Variants in RBFOX1 observed in about 807,000 individuals in gnomAD.
RBFOX1 encodes RNA binding fox-1 homolog 1, also known as RNA binding protein fox-1 homolog 1.
Under a neutral mutation model 57.7 loss-of-function variants are expected in RBFOX1, and 8 were observed. The observed-to-expected ratio is 0.14, with a 90% confidence interval of 0.08 to 0.25. RBFOX1 has a LOEUF of 0.25. RBFOX1 is among the 10% of genes least tolerant of loss of function. RBFOX1 has a pLI of 1.00. For missense variants in RBFOX1, 611 were observed against 548.5 expected (o/e 1.11, Z -1.14); for synonymous variants, 326 against 222.4 (o/e 1.47, Z -4.15).
At chr16:5,876,315 G>A (rs2057609716) in intron 4 of RBFOX1, among the ~76,000 whole-genome samples, 2 of 152,004 alleles carry the variant, frequency 1.3e-5, no homozygotes, top group African/African-American at 4.8e-5. Flanking sequence ...ACCCTATGAA[G>A]TACATCCTAT....
At chr16:6,718,784 T>C (rs2065342834) in intron 3 of RBFOX1, among the ~76,000 whole-genome samples, 1 of 152,172 alleles carries the variant, frequency 6.6e-6, no homozygotes, top group Non-Finnish European at 1.5e-5. Context: ...CACAACTAGG[T>C]TGACTCCAGT....
intron 4 of RBFOX1, among the ~76,000 whole-genome samples, chr16:5,992,943 A>G (rs979278815): frequency 7.9e-5 from 12 of 152,152 alleles, no homozygotes; most frequent in Non-Finnish European, 1.2e-4. Context: ...TCTCAAAAGA[A>G]AGAAAAAAAA....
intron 4 of RBFOX1, among the ~76,000 whole-genome samples, chr16:7,082,096 G>C (rs2153798804): frequency 6.6e-6 from 1 of 152,252 alleles, no homozygotes; most frequent in Admixed American, 6.5e-5. Context: ...CAGGATCTGG[G>C]AGAACCACTC....
At chr16:7,359,920 C>G (rs1198932824) in intron 4 of RBFOX1, among the ~76,000 whole-genome samples, 1 of 149,920 alleles carries the variant, frequency 6.7e-6, no homozygotes, top group African/African-American at 2.4e-5. Context: ...GGAGGCGGAG[C>G]TTGCAGTGAG....
intron 4 of RBFOX1, among the ~76,000 whole-genome samples, chr16:7,209,869 C>G (rs146705956): frequency 1.3e-5 from 2 of 152,280 alleles, no homozygotes; most frequent in Admixed American, 6.5e-5. Context: ...CACACACACT[C>G]TCAAGGTCTT....
chr16:6,558,311 A>C (rs766268913), intron 2 of RBFOX1, among the ~76,000 whole-genome samples: 3 of 152,192 alleles, frequency 2.0e-5, no homozygotes, highest in Non-Finnish European at 4.4e-5. Context: ...GAGGCCTTAC[A>C]GAGCATGTTG....
intron 4 of RBFOX1, among the ~76,000 whole-genome samples, chr16:7,259,867 A>T (rs151073500): frequency 6.6e-6 from 1 of 152,172 alleles, no homozygotes; most frequent in Non-Finnish European, 1.5e-5. Flanking sequence ...CTGGTGTATT[A>T]GGTGCTTAAT....
intron 3 of RBFOX1, among the ~76,000 whole-genome samples, chr16:6,952,834 G>A (rs574363286): frequency 6.6e-6 from 1 of 152,026 alleles, no homozygotes; most frequent in Non-Finnish European, 1.5e-5. Flanking sequence ...AATTAGCTGG[G>A]TATGGTGGTG....
In RBFOX1 at chr16:7,052,049, C is replaced by A. The variant is rs1393596003; in HGVS notation, c.-15-8C>A. 6.2e-6 allele frequency: 10 copies of A among 1,611,202 alleles called. No individual in the cohort carries two copies. The highest frequency in any genetic ancestry group is 8.5e-6 in the Non-Finnish European group (10 of 1,178,888). Reference sequence around the variant, plus strand: ...TGACTTTTCCCCTTCATTTTCTTTTCTTTCTAGGTTTCAAGACAACAGATG... The same window carrying A: ...TGACTTTTCCCCTTCATTTTCTTTTATTTCTAGGTTTCAAGACAACAGATG... On this transcript the variant is annotated splice_region_variant and splice_polypyrimidine_tract_variant and intron_variant, in intron 3 of 15. Coordinates refer to ENST00000550418, the MANE Select transcript of RBFOX1 (RefSeq NM_018723.4).
At chr16:7,541,107 G>A (rs549090766) in intron 5 of RBFOX1, among the ~76,000 whole-genome samples, 5 of 152,268 alleles carry the variant, frequency 3.3e-5, no homozygotes, top group East Asian at 1.9e-4. Flanking sequence ...GTTTATAGAC[G>A]CTGCTTTTCG....
intron 3 of RBFOX1, among the ~76,000 whole-genome samples, chr16:5,758,379 G>A (rs937822330): frequency 1.3e-5 from 2 of 152,138 alleles, no homozygotes; most frequent in East Asian, 3.9e-4. Context: ...TTGTAACTGC[G>A]AGCTTGGTCC....
At chr16:5,973,094 C>A (rs2059995107) in intron 4 of RBFOX1, among the ~76,000 whole-genome samples, 1 of 152,152 alleles carries the variant, frequency 6.6e-6, no homozygotes, top group South Asian at 2.1e-4. Context: ...TGACTACCTG[C>A]TGTAAAGAGA....
At chr16:5,888,407 T>C (rs2057953401) in intron 4 of RBFOX1, among the ~76,000 whole-genome samples, 1 of 152,192 alleles carries the variant, frequency 6.6e-6, no homozygotes, top group Admixed American at 6.5e-5. Context: ...TAAAAGTGTT[T>C]TATTCTATGA....
chr16:6,243,034 A>T (rs968299929), intron 1 of RBFOX1, among the ~76,000 whole-genome samples: 9 of 152,182 alleles, frequency 5.9e-5, no homozygotes, highest in Admixed American at 3.3e-4. Context: ...ATTGTAAGAG[A>T]TACTATCATT....
chr16:7,486,357 A>G (rs2065393907), intron 4 of RBFOX1, among the ~76,000 whole-genome samples: 2 of 151,232 alleles, frequency 1.3e-5, no homozygotes, highest in Admixed American at 6.6e-5. Flanking sequence ...GGTCTCGAAC[A>G]CCTGACCTCG....
chr16:6,369,406 ATTGT>A (rs570387799), intron 2 of RBFOX1, among the ~76,000 whole-genome samples: 28 of 152,212 alleles, frequency 1.8e-4, no homozygotes, highest in Non-Finnish European at 3.1e-4. Context: ...GAAAGGAGGC[ATTGT>A]TTGAGAACGT....
intron 4 of RBFOX1, among the ~76,000 whole-genome samples, chr16:7,075,768 G>C (rs2058177726): frequency 1.3e-5 from 2 of 152,052 alleles, no homozygotes; most frequent in Non-Finnish European, 2.9e-5. Context: ...TTTTAGTAGA[G>C]ACGGGATTTC....
intron 3 of RBFOX1, among the ~76,000 whole-genome samples, chr16:6,914,646 G>T (rs1369973436): frequency 6.6e-6 from 1 of 152,174 alleles, no homozygotes; most frequent in African/African-American, 2.4e-5. Context: ...GGCTGAGGCA[G>T]GAGGATTGCT....
intron 2 of RBFOX1, among the ~76,000 whole-genome samples, chr16:6,466,844 C>G (rs2095060273): frequency 6.6e-6 from 1 of 152,098 alleles, no homozygotes; most frequent in Non-Finnish European, 1.5e-5. Flanking sequence ...TCATTGATTT[C>G]TAGTCAGAGA....
Sources: gnomAD v4.1 joint callset for allele counts (sites outside exome capture counted in the v4.1 genomes callset) on GRCh38, gnomAD v4.1.1 for gene constraint, MANE v1.5 for transcripts, NCBI Gene and HGNC (gene_info 2026-07-23, HGNC 2026-07-21) for gene names.